The following CNTN5 variants were observed in gnomAD, a reference collection of about 807,000 sequenced individuals.
The protein encoded by CNTN5 is contactin 5, also known as contactin-5.
A neutral mutation model predicts 129.1 loss-of-function variants in CNTN5; 77 were observed. The ratio of observed to expected loss-of-function variants is 0.60; its 90% CI spans 0.50 to 0.72. The LOEUF is 0.72. Ranked by LOEUF, CNTN5 falls within the 30% of genes least tolerant of loss-of-function variation. The pLI, the probability that CNTN5 is intolerant of heterozygous loss-of-function variation, is 0.00. For synonymous variants in CNTN5, 509 were observed against 465.6 expected (o/e 1.09, Z -1.20); for missense variants, 1,478 against 1,328.8 (o/e 1.11, Z -1.75).
chr11:100,171,618 T>A (rs1947828264), intron 13 of CNTN5, among the ~76,000 whole-genome samples: 1 of 152,018 alleles, frequency 6.6e-6, no homozygotes, highest in African/African-American at 2.4e-5. Flanking sequence ...TTGAACTATA[T>A]CCAATTCTAC....
chr11:100,263,419 T>G (rs954256320), intron 17 of CNTN5, among the ~76,000 whole-genome samples: 3 of 152,146 alleles, frequency 2.0e-5, no homozygotes. Flanking sequence ...AGGAGAAAAT[T>G]TGTTTATCTA....
chr11:99,433,371 A>AAATG (rs1555143805), intron 2 of CNTN5, among the ~76,000 whole-genome samples: 5,032 of 140,756 alleles, frequency 0.036, 125 homozygotes, highest in Non-Finnish European at 0.05. Flanking sequence ...TAAAAAAAAA[A>AAATG]TGTGTGTGTG....
intron 2 of CNTN5, among the ~76,000 whole-genome samples, chr11:99,365,695 G>A (rs930301596): frequency 1.3e-5 from 2 of 152,098 alleles, no homozygotes; most frequent in Non-Finnish European, 2.9e-5. Flanking sequence ...TAAGAACACA[G>A]ATTGTTTCTC....
At chr11:99,445,246 T>G (rs894082723) in intron 2 of CNTN5, among the ~76,000 whole-genome samples, 4 of 151,460 alleles carry the variant, frequency 2.6e-5, no homozygotes, top group African/African-American at 9.7e-5. Context: ...ATCCTCCTTT[T>G]ATTTTTATTC....
chr11:100,213,945 A>G (rs956478975), intron 15 of CNTN5, among the ~76,000 whole-genome samples: 2 of 152,292 alleles, frequency 1.3e-5, no homozygotes, highest in African/African-American at 4.8e-5. Flanking sequence ...TTTCAAAGCA[A>G]GCTTGGCAAA....
At chr11:99,465,874 C>CT (rs35950728) in intron 2 of CNTN5, among the ~76,000 whole-genome samples, 95,825 of 106,222 alleles carry the variant, frequency 0.9, 43,533 homozygotes, top group Non-Finnish European at 0.93. Context: ...TGCCACACAC[C>CT]TTTTTTTTTT....
chr11:99,714,482 G>A (rs1955135568), intron 3 of CNTN5, among the ~76,000 whole-genome samples: 1 of 151,918 alleles, frequency 6.6e-6, no homozygotes, highest in South Asian at 2.1e-4. Context: ...GGGTCTGGAT[G>A]GTTTAACTTA....
intron 7 of CNTN5, among the ~76,000 whole-genome samples, chr11:99,945,333 G>C (rs1202503750): frequency 6.6e-6 from 1 of 152,004 alleles, no homozygotes; most frequent in African/African-American, 2.4e-5. Context: ...AACAAGAATA[G>C]AATATGGGTG....
chr11:99,874,755 A>G (rs1948590675), intron 6 of CNTN5, among the ~76,000 whole-genome samples: 1 of 152,184 alleles, frequency 6.6e-6, no homozygotes, highest in East Asian at 1.9e-4. Context: ...AAGATGAACA[A>G]TTTACTTGAT....
At chr11:100,055,603 C>T (rs1250131238) in intron 9 of CNTN5, among the ~76,000 whole-genome samples, 1 of 151,556 alleles carries the variant, frequency 6.6e-6, no homozygotes, top group Non-Finnish European at 1.5e-5. Flanking sequence ...CTATATTGAA[C>T]ATAATTGTTC....
chr11:99,731,582 T>C (rs1318951925), intron 3 of CNTN5, among the ~76,000 whole-genome samples: 1 of 152,110 alleles, frequency 6.6e-6, no homozygotes, highest in Non-Finnish European at 1.5e-5. Context: ...CAGAAATATA[T>C]TTTTTTAACA....
chr11:99,921,514 G>T (rs142448390), intron 7 of CNTN5, among the ~76,000 whole-genome samples: 1 of 151,928 alleles, frequency 6.6e-6, no homozygotes, highest in African/African-American at 2.4e-5. Flanking sequence ...TCCACAATTC[G>T]TTTCTCCATC....
chr11:99,724,886 T>C (rs530468423), intron 3 of CNTN5, among the ~76,000 whole-genome samples: 21 of 152,072 alleles, frequency 1.4e-4, no homozygotes, highest in Non-Finnish European at 2.1e-4. Flanking sequence ...AAGAAAAAAA[T>C]GTAAAGGACT....
In CNTN5 at chr11:99,525,762, C is replaced by T. The variant is rs187979417; in HGVS notation, c.-70-30383C>T. 3.9e-4 allele frequency among the ~76,000 whole-genome samples: 59 copies of T among 152,188 alleles called. 1 individual carries two copies. The highest frequency in any genetic ancestry group is 1.8e-3 in the Admixed American group (28 of 15,288). ...AGCCAATAATCAATAGAGTCTTGAG[C>T]GTGAATTTCTACTCAGAAACAAAAT... On this transcript the variant is annotated intron_variant, in intron 2 of 24. Coordinates refer to ENST00000524871, the MANE Select transcript of CNTN5 (RefSeq NM_014361.4).
At chr11:99,598,621 C>CTT (rs61241880) in intron 3 of CNTN5, among the ~76,000 whole-genome samples, 63 of 145,458 alleles carry the variant, frequency 4.3e-4, no homozygotes, top group African/African-American at 7.8e-4. Flanking sequence ...AAAAAGATAG[C>CTT]TTTTTTTTTT....
chr11:99,555,085 T>G (rs1433956340), intron 2 of CNTN5, among the ~76,000 whole-genome samples: 3 of 152,152 alleles, frequency 2.0e-5, no homozygotes, highest in Admixed American at 6.6e-5. Context: ...GTAACTTCAT[T>G]TAGGTAGAGG....
At chr11:99,720,988 A>G (rs1223857683) in intron 3 of CNTN5, among the ~76,000 whole-genome samples, 1 of 152,164 alleles carries the variant, frequency 6.6e-6, no homozygotes, top group Non-Finnish European at 1.5e-5. Context: ...CTCCTCAAAG[A>G]AGACAAAAAC....
intron 2 of CNTN5, among the ~76,000 whole-genome samples, chr11:99,349,295 A>G (rs1938123266): frequency 6.6e-6 from 1 of 152,184 alleles, no homozygotes; most frequent in Admixed American, 6.5e-5. Flanking sequence ...ATACTCCTCC[A>G]TAGTCATGCT....
intron 9 of CNTN5, among the ~76,000 whole-genome samples, chr11:100,031,608 C>T (rs1157581508): frequency 5.3e-5 from 8 of 152,174 alleles, no homozygotes; most frequent in Non-Finnish European, 1.0e-4. Flanking sequence ...AGCTTCACGT[C>T]CTGTTTCTAT....
Sources: gnomAD v4.1 joint callset for allele counts (sites outside exome capture counted in the v4.1 genomes callset) on GRCh38, gnomAD v4.1.1 for gene constraint, MANE v1.5 for transcripts, NCBI Gene and HGNC (gene_info 2026-07-23, HGNC 2026-07-21) for gene names.